CDH13: variants seen among roughly 807,000 people sequenced by gnomAD.
CDH13 encodes cadherin-13.
A neutral mutation model predicts 63.8 loss-of-function variants in CDH13; 24 were observed. That is an observed-to-expected ratio of 0.38 (90% CI 0.27 to 0.53). The LOEUF is 0.53. CDH13 is among the 20% of genes least tolerant of loss of function. CDH13 has a pLI of 0.85. For synonymous variants in CDH13, 503 were observed against 355.3 expected, an observed-to-expected ratio of 1.42 and a Z score of -4.67; for missense variants, 1,049 against 903.1, an observed-to-expected ratio of 1.16 and a Z score of -2.07.
At chr16:83,228,271 C>A (rs762209856) in intron 5 of CDH13, among the ~76,000 whole-genome samples, 1 of 152,208 alleles carries the variant, frequency 6.6e-6, no homozygotes, top group Non-Finnish European at 1.5e-5. Flanking sequence ...TGCTCCACAT[C>A]CTGCTGTGCA....
Position 82,905,432 on chromosome 16 carries a change from C to T in CDH13, c.157+46959C>T, listed in dbSNP as rs894830825. Among the ~76,000 whole-genome samples the T allele has an allele frequency of 1.0e-4, 15 of 143,530 alleles. 1 individual carries two copies. Among genetic ancestry groups the T allele is most frequent in the Non-Finnish European group, 2.1e-4 (14 of 65,934 alleles). 94.2% of individuals were successfully genotyped at this position (143,530 alleles called of 152,430 possible). On this transcript the variant is annotated intron_variant, in intron 2 of 13. Coordinates refer to ENST00000567109, the MANE Select transcript of CDH13 (RefSeq NM_001257.5). ...CTTGGGTGTTATACCATGAATCACA[C>T]GTGTGTGTGTGTGTGTGTGTGTGTG...
At position 83,795,128 on chromosome 16, in the gene CDH13, A is replaced by G. The variant is rs1161652071; in HGVS notation, c.*98A>G. 4 of 971,192 alleles carry G rather than the reference A, an allele frequency of 4.1e-6. No individual in the cohort carries two copies. The highest frequency in any genetic ancestry group is 6.2e-6 in the Non-Finnish European group (4 of 645,198). 60.2% of individuals were successfully genotyped at this position (971,192 alleles called of 1,614,324 possible). On this transcript the variant is annotated 3_prime_UTR_variant, in exon 14 of 14. Coordinates refer to ENST00000567109, the MANE Select transcript of CDH13 (RefSeq NM_001257.5). ...GAAGATTGCGGTTTACAGCTATCGA[A>G]CTTCACAACTAGGCCTCAATTGTTC...
At chr16:82,906,323 A>T (rs1192991010) in intron 2 of CDH13, among the ~76,000 whole-genome samples, 1 of 152,062 alleles carries the variant, frequency 6.6e-6, no homozygotes, top group African/African-American at 2.4e-5. Flanking sequence ...TTCCTTTAAC[A>T]CATGATTGGC....
At position 83,290,239 on chromosome 16, in the gene CDH13, C is replaced by A. The variant is rs185238778; in HGVS notation, c.637-54623C>A. On this transcript the variant is annotated intron_variant, in intron 5 of 13. Transcript: ENST00000567109. Reference sequence around the variant, plus strand: ...TTAATTGTTAGTATTTACAATGGCTCCCTAACTGGGATCTCTTTTCAAACA... The same window carrying A: ...TTAATTGTTAGTATTTACAATGGCTACCTAACTGGGATCTCTTTTCAAACA... Among the ~76,000 whole-genome samples, 555 of 152,306 alleles carry A rather than the reference C, an allele frequency of 3.6e-3. 4 individuals are homozygous for A. Among genetic ancestry groups the A allele is most frequent in the African/African-American group, 9.7e-3 (402 of 41,574 alleles).
At chr16:83,139,261 C>T (rs748721697) in intron 4 of CDH13, among the ~76,000 whole-genome samples, 2 of 152,352 alleles carry the variant, frequency 1.3e-5, no homozygotes, top group South Asian at 2.1e-4. Flanking sequence ...GCGTGTCACA[C>T]GTCTCTTCCC....
At chr16:82,715,491 C>T (rs965063816) in intron 1 of CDH13, among the ~76,000 whole-genome samples, 2 of 152,092 alleles carry the variant, frequency 1.3e-5, no homozygotes, top group South Asian at 2.1e-4. Context: ...TAAGAAAAGC[C>T]GCAAAGGATT....
intron 7 of CDH13, among the ~76,000 whole-genome samples, chr16:83,592,899 C>T (rs1327908527): frequency 6.6e-6 from 1 of 152,194 alleles, no homozygotes; most frequent in Non-Finnish European, 1.5e-5. Context: ...GCTCACCCTG[C>T]TGCCTGGGAA....
chr16:83,789,781 A>G (rs1260802292), intron 13 of CDH13, among the ~76,000 whole-genome samples: 1 of 152,222 alleles, frequency 6.6e-6, no homozygotes, highest in Non-Finnish European at 1.5e-5. Flanking sequence ...TCTAAGACAC[A>G]GACCAAATCT....
At chr16:83,615,799 G>C (rs930547970) in intron 8 of CDH13, among the ~76,000 whole-genome samples, 1 of 152,162 alleles carries the variant, frequency 6.6e-6, no homozygotes, top group African/African-American at 2.4e-5. Context: ...AGGACTCTAA[G>C]AGATCATCTA....
chr16:82,627,141 G>C lies in CDH13; in HGVS notation c.45+4G>C. On this transcript the variant is annotated splice_donor_region_variant and intron_variant, in intron 1 of 13. Transcript: ENST00000567109. ...TCTGTGCGTTCTCCTGTCCCAGGTAGGGAAGAGGGGCTGCCGGGCGCGCTC... is the reference window on the plus strand; with the variant it reads ...TCTGTGCGTTCTCCTGTCCCAGGTACGGAAGAGGGGCTGCCGGGCGCGCTC... 6.2e-7 allele frequency: 1 copy of C among 1,605,650 alleles called. No individual in the cohort carries two copies. Among genetic ancestry groups the C allele is most frequent in the Non-Finnish European group, 8.5e-7 (1 of 1,176,350 alleles).
Position 83,364,978 on chromosome 16 carries a change from C to T in CDH13, c.781+19972C>T, listed in dbSNP as rs116241583. Among the ~76,000 whole-genome samples the T allele has an allele frequency of 9.6e-3, 1,460 of 152,266 alleles. 18 individuals are homozygous for T. The highest frequency in any genetic ancestry group is 0.033 in the African/African-American group (1,351 of 41,554). ...CCTAAGGCATGCGGGGCTTAAAACC[C>T]AGGTGTTGGGTTGATAGGTGCAGCA... On this transcript the variant is annotated intron_variant, in intron 6 of 13. Transcript: ENST00000567109.
intron 2 of CDH13, among the ~76,000 whole-genome samples, chr16:82,874,911 A>AGATG (rs1022414108): frequency 3.9e-5 from 6 of 152,204 alleles, no homozygotes; most frequent in African/African-American, 1.4e-4. Flanking sequence ...TGGGATTGCC[A>AGATG]GATGGATACT....
chr16:83,059,796 T>TG (rs374718727), intron 3 of CDH13, among the ~76,000 whole-genome samples: 28,212 of 128,544 alleles, frequency 0.22, 2,619 homozygotes, highest in Admixed American at 0.26. Context: ...TTTGTTTGTT[T>TG]TTTTTTTTTT....
At chr16:83,739,407 A>G (rs373496017) in intron 10 of CDH13, among the ~76,000 whole-genome samples, 2 of 152,322 alleles carry the variant, frequency 1.3e-5, no homozygotes, top group South Asian at 4.1e-4. Flanking sequence ...TGGTTTCCCC[A>G]GGATGTTGCC....
At chr16:82,666,127 T>C (rs1439386658) in intron 1 of CDH13, among the ~76,000 whole-genome samples, 1 of 152,158 alleles carries the variant, frequency 6.6e-6, no homozygotes, top group Non-Finnish European at 1.5e-5. Flanking sequence ...CCTATAACGA[T>C]CTCACGTCTG....
At chr16:83,049,896 T>A (rs4396520) in intron 3 of CDH13, among the ~76,000 whole-genome samples, 91,260 of 152,052 alleles carry the variant, frequency 0.6, 27,677 homozygotes, top group Non-Finnish European at 0.65. Flanking sequence ...ACAAGATTTA[T>A]GAGTTACATA....
At chr16:83,055,847 A>G (rs8048540) in intron 3 of CDH13, among the ~76,000 whole-genome samples, 8,810 of 152,240 alleles carry the variant, frequency 0.058, 847 homozygotes, top group African/African-American at 0.2. Flanking sequence ...GAGAAGGTAG[A>G]TAAATTTGAC....
At chr16:83,501,972 A>C (rs1022266396) in intron 7 of CDH13, among the ~76,000 whole-genome samples, 2 of 152,166 alleles carry the variant, frequency 1.3e-5, no homozygotes, top group East Asian at 3.8e-4. Context: ...CACAAATGTG[A>C]ATCTGTGAAT....
chr16:83,216,415 T>TAA (rs2039519203), intron 4 of CDH13, among the ~76,000 whole-genome samples: 1 of 88,060 alleles, frequency 1.1e-5, no homozygotes, highest in Non-Finnish European at 2.3e-5. Context: ...TATATATATA[T>TAA]ATATATATAT....
Sources: allele counts gnomAD v4.1 joint callset (sites outside exome capture counted in the v4.1 genomes callset), GRCh38; gene constraint gnomAD v4.1.1; transcripts MANE v1.5; gene names NCBI Gene and HGNC (gene_info 2026-07-23, HGNC 2026-07-21).